LY6G6C: variants seen among roughly 807,000 people sequenced by gnomAD.
LY6G6C encodes the protein lymphocyte antigen 6 complex locus protein G6c.
A neutral mutation model predicts 12.8 loss-of-function variants in LY6G6C; 12 were observed. The observed-to-expected ratio is 0.94, with a 90% confidence interval of 0.60 to 1.52. The LOEUF (loss-of-function observed/expected upper bound fraction) is 1.52, where lower values mean the gene tolerates loss of function less well. LY6G6C is among the 40% of genes most tolerant of loss of function. The pLI, the probability that LY6G6C is intolerant of heterozygous loss-of-function variation, is 0.00. For missense variants in LY6G6C, 125 were observed against 155.8 expected (o/e 0.80, Z 1.05); for synonymous variants, 42 against 61.6 (o/e 0.68, Z 1.49).
At position 31,718,997 on chromosome 6, in the gene LY6G6C, T is replaced by C; in HGVS notation, c.*99A>G. ...AGTGTTTAATTAAAGAAATGGGAGC[T>C]AGGGAGAGACGATTCTGTAAAGCCA... On this transcript the variant is annotated 3_prime_UTR_variant, in exon 3 of 3. Transcript: ENST00000375819. The C allele has an allele frequency of 1.0e-6, 1 of 997,282 alleles. No homozygotes were observed. Among genetic ancestry groups the C allele is most frequent in the African/African-American group, 1.6e-5 (1 of 62,192 alleles). 61.8% of individuals were successfully genotyped at this position (997,282 alleles called of 1,614,324 possible).
At chr6:31,721,024 C>T (rs1806745084) in intron 1 of LY6G6C, 1 of 152,368 alleles carries the variant, frequency 6.6e-6, no homozygotes, top group African/African-American at 2.4e-5. Flanking sequence ...CAAGAAAACG[C>T]TCTGTTTCCA....
At position 31,719,203 on chromosome 6, in the gene LY6G6C, A is replaced by G. The variant is rs1320498231; in HGVS notation, c.271T>C (p.Cys91Arg). The G allele has an allele frequency of 6.2e-7, 1 of 1,614,152 alleles. No homozygotes were observed. The highest frequency in any genetic ancestry group is 1.3e-5 in the African/African-American group (1 of 75,028). Reference protein sequence around the residue: ...RKLGLTYNTTCCNKDNCNSAG... With the variant: ...RKLGLTYNTTRCNKDNCNSAG... Reference sequence around the variant, plus strand: ...CTGTTGCAGTTGTCCTTGTTGCAGCAGGTGGTGTTATATGTCAGACCCAGC... The same window carrying G: ...CTGTTGCAGTTGTCCTTGTTGCAGCGGGTGGTGTTATATGTCAGACCCAGC... Residue 91 changes from cysteine to arginine, a missense_variant, in exon 3 of 3, where the codon TGC becomes CGC. Cys to Arg is a radical substitution (Grantham distance 180). Coordinates refer to ENST00000375819, the MANE Select transcript of LY6G6C (RefSeq NM_025261.3).
chr6:31,720,611 G>T lies in LY6G6C; in HGVS notation c.53-408C>A, dbSNP rs2736197. ...AATAATAAAAATGAAAATCATGAGG[G>T]TTACAACACTGTCAGAAATGCCTTG... On this transcript the variant is annotated intron_variant, in intron 1 of 2. Transcript: ENST00000375819. The surrounding 1 kb of genome is among the most constrained non-coding windows in gnomAD (Gnocchi z 4.9). 0.024 allele frequency among the ~76,000 whole-genome samples: 3,673 copies of T among 152,182 alleles called. 71 individuals are homozygous for T. The highest frequency in any genetic ancestry group is 0.068 in the Middle Eastern group (20 of 294).
Position 31,720,238 on chromosome 6 carries a change from T to C in LY6G6C, c.53-35A>G, listed in dbSNP as rs374052272. On this transcript the variant is annotated intron_variant, in intron 1 of 2. Transcript: ENST00000375819. This position sits in a 1 kb window ranked among gnomAD's most constrained non-coding sequence, Gnocchi z 4.9. ...CACAAGTCAGGCTGAGGTGATGGGG[T>C]CTCTGACTTACCTGGGGATAAGCTG... The C allele has an allele frequency of 1.1e-4, 157 of 1,489,944 alleles. 3 individuals carry two copies. In the South Asian group the frequency reaches 1.2e-3, roughly 12 times the overall value. 92.3% of individuals were successfully genotyped at this position (1,489,944 alleles called of 1,614,324 possible).
rs1806653512 is a variant in LY6G6C, at chr6:31,719,275, T to C, written c.199A>G (p.Thr67Ala). 6 of 1,614,182 alleles carry C rather than the reference T, an allele frequency of 3.7e-6. No homozygotes were observed. Among genetic ancestry groups the C allele is most frequent in the Non-Finnish European group, 5.1e-6 (6 of 1,180,024 alleles). ...GCCTCCTGACAGGGCTCTTCTGGTG[T>C]GCCACAGCGCAGATTGGAGAAAACC... is the stretch of plus-strand genomic sequence containing the variant. Reference protein sequence around the residue: ...MWVFSNLRCGTPEEPCQEAFN... With the variant: ...MWVFSNLRCGAPEEPCQEAFN... Residue 67 changes from threonine to alanine, a missense_variant, in exon 3 of 3, where the codon ACA (threonine) becomes GCA (alanine). Thr to Ala is a moderately conservative substitution (Grantham distance 58). Transcript: ENST00000375819.
Position 31,720,591 on chromosome 6 carries a change from T to C in LY6G6C, c.53-388A>G, listed in dbSNP as rs1806726424. Among the ~76,000 whole-genome samples, 1 of 151,956 alleles carries C rather than the reference T, an allele frequency of 6.6e-6. No individual in the cohort carries two copies. Among genetic ancestry groups the C allele is most frequent in the South Asian group, 2.1e-4 (1 of 4,818 alleles). On this transcript the variant is annotated intron_variant, in intron 1 of 2. Coordinates refer to ENST00000375819, the MANE Select transcript of LY6G6C (RefSeq NM_025261.3). The surrounding 1 kb of genome is among the most constrained non-coding windows in gnomAD (Gnocchi z 4.9). The stretch of plus-strand genomic sequence containing the variant: ...GGAAACTTGAAAGAAGGAGAAATAA[T>C]AAAAATGAAAATCATGAGGGTTACA...
chr6:31,718,865 C>A lies in LY6G6C; in HGVS notation c.*231G>T. On this transcript the variant is annotated 3_prime_UTR_variant, in exon 3 of 3. Coordinates refer to ENST00000375819, the MANE Select transcript of LY6G6C (RefSeq NM_025261.3). Reference sequence around the variant, plus strand: ...AGAGTATAGGAAGCAAAGTGGGGAGCCCTTCTAGGAGCCAATGGAGGTCCT... The same window carrying A: ...AGAGTATAGGAAGCAAAGTGGGGAGACCTTCTAGGAGCCAATGGAGGTCCT... 3.5e-6 allele frequency: 2 copies of A among 575,382 alleles called. No individual in the cohort carries two copies. Among genetic ancestry groups the A allele is most frequent in the East Asian group, 2.8e-5 (1 of 35,970 alleles). 35.6% of individuals were successfully genotyped at this position (575,382 alleles called of 1,614,324 possible). A position where few individuals can be genotyped will look rare whatever the true frequency, so the allele number is the denominator to read the frequency against.
chr6:31,720,565 T>C lies in LY6G6C; in HGVS notation c.53-362A>G, dbSNP rs910215285. On this transcript the variant is annotated intron_variant, in intron 1 of 2. Transcript: ENST00000375819. The surrounding 1 kb of genome is among the most constrained non-coding windows in gnomAD (Gnocchi z 4.9). ...AGAATGTGGATGGTGAAGGAGGAGATGGAAACTTGAAAGAAGGAGAAATAA... is the reference window on the plus strand; with the variant it reads ...AGAATGTGGATGGTGAAGGAGGAGACGGAAACTTGAAAGAAGGAGAAATAA... Among the ~76,000 whole-genome samples, 1 of 151,876 alleles carries C rather than the reference T, an allele frequency of 6.6e-6. No individual in the cohort carries two copies. The highest frequency in any genetic ancestry group is 2.4e-5 in the African/African-American group (1 of 41,304).
In LY6G6C at chr6:31,718,793, C is replaced by T. The variant is rs1806621290; in HGVS notation, c.*303G>A. The stretch of plus-strand genomic sequence containing the variant: ...GCCTTCACTGGGGACAACACAGAAG[C>T]CCCATTTCAGGCCCAGATCCCAATC... On this transcript the variant is annotated 3_prime_UTR_variant, in exon 3 of 3. Coordinates refer to ENST00000375819, the MANE Select transcript of LY6G6C (RefSeq NM_025261.3). 3 of 483,192 alleles carry T rather than the reference C, an allele frequency of 6.2e-6. No individual in the cohort carries two copies. Among genetic ancestry groups the T allele is most frequent in the Non-Finnish European group, 1.1e-5 (3 of 270,502 alleles). The allele number at this position is 483,192 out of a possible 1,614,324, so 29.9% of individuals were successfully genotyped here.
chr6:31,721,301 T>A (rs1806767036), intron 1 of LY6G6C, among the ~76,000 whole-genome samples: 1 of 151,918 alleles, frequency 6.6e-6, no homozygotes, highest in African/African-American at 2.4e-5. Context: ...AGTTGCATAT[T>A]GAAGTGGGGC....
Position 31,720,213 on chromosome 6 carries a change from C to T in LY6G6C, c.53-10G>A, listed in dbSNP as rs1806710388. The T allele has an allele frequency of 6.2e-7, 1 of 1,604,944 alleles. No individual in the cohort carries two copies. Among genetic ancestry groups the T allele is most frequent in the African/African-American group, 1.3e-5 (1 of 74,794 alleles). On this transcript the variant is annotated splice_polypyrimidine_tract_variant and intron_variant, in intron 1 of 2. Coordinates refer to ENST00000375819, the MANE Select transcript of LY6G6C (RefSeq NM_025261.3). The surrounding 1 kb of genome is among the most constrained non-coding windows in gnomAD (Gnocchi z 4.9). ...TGACAGCGAATGTCAGCTGGGAAGA[C>T]ACAAGTCAGGCTGAGGTGATGGGGT...
intron 1 of LY6G6C, 106 bp downstream of exon 1, chr6:31,721,521 TG>T: frequency 3.1e-6 from 3 of 979,798 alleles, no homozygotes; most frequent in Non-Finnish European, 4.7e-6. Context: ...CAGTTGGGGC[TG>T]GGGGTGTTGG....
rs921970194 is a variant in LY6G6C at position 31,720,290 on chromosome 6, G to C, written c.53-87C>G. ...GCTGGGGGCAGGGGTGGAGGGTGGA[G>C]AAGAGCCCATCCCGTAGGTGCTCCA... On this transcript the variant is annotated intron_variant, in intron 1 of 2. Coordinates refer to ENST00000375819, the MANE Select transcript of LY6G6C (RefSeq NM_025261.3). The surrounding 1 kb of genome is among the most constrained non-coding windows in gnomAD (Gnocchi z 4.9). The C allele has an allele frequency of 1.1e-6, 1 of 905,052 alleles. No homozygotes were observed. Among genetic ancestry groups the C allele is most frequent in the South Asian group, 1.4e-5 (1 of 70,304 alleles). The allele number at this position is 905,052 out of a possible 1,614,324, so 56.1% of individuals were successfully genotyped here.
chr6:31,719,162 G>C lies in LY6G6C; in HGVS notation c.312C>G (p.Pro104=). ...KDNCNSAGPR[P]TPALGLVFLT... ...GGAAGACAAGGCCCAGGGCTGGAGT[G>C]GGCCGGGGTCCTGCGCTGTTGCAGT... Residue 104 remains proline (P), a synonymous_variant, in exon 3 of 3, where the codon CCC becomes CCG. Transcript: ENST00000375819. 6.2e-7 allele frequency: 1 copy of C among 1,614,192 alleles called. No homozygotes were observed. Among genetic ancestry groups the C allele is most frequent in the Non-Finnish European group, 8.5e-7 (1 of 1,180,020 alleles).
chr6:31,718,827 A>C lies in LY6G6C; in HGVS notation c.*269T>G, dbSNP rs923805682. The C allele has an allele frequency of 7.6e-6, 4 of 523,872 alleles. No homozygotes were observed. Among genetic ancestry groups the C allele is most frequent in the Non-Finnish European group, 1.4e-5 (4 of 294,522 alleles). 32.5% of individuals were successfully genotyped at this position (523,872 alleles called of 1,614,324 possible). A position where few individuals can be genotyped will look rare whatever the true frequency, so the allele number is the denominator to read the frequency against. Reference sequence around the variant, plus strand: ...AGGCCCAGATCCCAATCCCTCCTCAAGTAGGGGACAGCAGAGTATAGGAAG... The same window carrying C: ...AGGCCCAGATCCCAATCCCTCCTCACGTAGGGGACAGCAGAGTATAGGAAG... On this transcript the variant is annotated 3_prime_UTR_variant, in exon 3 of 3. Transcript: ENST00000375819.
In LY6G6C at chr6:31,720,249, C is replaced by A. The variant is rs1806712161; in HGVS notation, c.53-46G>T. 7.1e-7 allele frequency: 1 copy of A among 1,401,384 alleles called. No individual in the cohort carries two copies. The highest frequency in any genetic ancestry group is 1.0e-6 in the Non-Finnish European group (1 of 989,498). The allele number at this position is 1,401,384 out of a possible 1,614,324, so 86.8% of individuals were successfully genotyped here. A position where few individuals can be genotyped will look rare whatever the true frequency, so the allele number is the denominator to read the frequency against. ...CTGAGGTGATGGGGTCTCTGACTTA[C>A]CTGGGGATAAGCTGAGCTGGGGGCA... is the stretch of plus-strand genomic sequence containing the variant. On this transcript the variant is annotated intron_variant, in intron 1 of 2. Coordinates refer to ENST00000375819, the MANE Select transcript of LY6G6C (RefSeq NM_025261.3). The surrounding 1 kb of genome is among the most constrained non-coding windows in gnomAD (Gnocchi z 4.9).
At position 31,719,122 on chromosome 6, in the gene LY6G6C, C is replaced by G; in HGVS notation, c.352G>C (p.Gly118Arg). Residue 118 changes from glycine (G) to arginine (R), a missense_variant, in exon 3 of 3, where the codon GGC becomes CGC. Coordinates refer to ENST00000375819, the MANE Select transcript of LY6G6C (RefSeq NM_025261.3). Reference sequence around the variant, plus strand: ...CAGTGCAGCAGCCAGAGGCCAAGGCCAGCCAAGGAGGTAAGGAAGACAAGG... The same window carrying G: ...CAGTGCAGCAGCCAGAGGCCAAGGCGAGCCAAGGAGGTAAGGAAGACAAGG... ...LGLVFLTSLA[G>R]LGLWLLH is the part of the protein sequence containing the mutation. 6.2e-7 allele frequency: 1 copy of G among 1,613,956 alleles called. No homozygotes were observed. Among genetic ancestry groups the G allele is most frequent in the Non-Finnish European group, 8.5e-7 (1 of 1,179,876 alleles).
chr6:31,718,992 G>T lies in LY6G6C; in HGVS notation c.*104C>A, dbSNP rs1168629253. On this transcript the variant is annotated 3_prime_UTR_variant, in exon 3 of 3. Coordinates refer to ENST00000375819, the MANE Select transcript of LY6G6C (RefSeq NM_025261.3). Reference sequence around the variant, plus strand: ...GGAACAGTGTTTAATTAAAGAAATGGGAGCTAGGGAGAGACGATTCTGTAA... The same window carrying T: ...GGAACAGTGTTTAATTAAAGAAATGTGAGCTAGGGAGAGACGATTCTGTAA... 6 of 931,350 alleles carry T rather than the reference G, an allele frequency of 6.4e-6. No homozygotes were observed. Among genetic ancestry groups the T allele is most frequent in the Non-Finnish European group, 1.0e-5 (6 of 593,954 alleles). 57.7% of individuals were successfully genotyped at this position (931,350 alleles called of 1,614,324 possible).
At chr6:31,721,240 C>T (rs1806763074) in intron 1 of LY6G6C, among the ~76,000 whole-genome samples, 1 of 152,060 alleles carries the variant, frequency 6.6e-6, no homozygotes, top group African/African-American at 2.4e-5. Context: ...GAGAGGACAC[C>T]TTACTGAGCA....
Sources: gnomAD v4.1 joint callset for allele counts (sites outside exome capture counted in the v4.1 genomes callset) on GRCh38, gnomAD v4.1.1 for gene constraint, Gnocchi (gnomAD v3.1) non-coding constraint, MANE v1.5 for transcripts, NCBI Gene and HGNC (gene_info 2026-07-23, HGNC 2026-07-21) for gene names.